Variants in QTMAN observed in about 807,000 individuals in gnomAD.
QTMAN encodes queuosine-tRNA mannosyltransferase.
the QTMAN span, among the ~76,000 whole-genome samples, chr2:144,091,161 G>T: frequency 2.6e-5 from 4 of 151,392 alleles, no homozygotes. Flanking sequence ...ATATCTATAT[G>T]TTAAAAAAAA....
At chr2:144,129,394 A>G in the QTMAN span, among the ~76,000 whole-genome samples, 1 of 152,016 alleles carries the variant, frequency 6.6e-6, no homozygotes, top group South Asian at 2.1e-4. Flanking sequence ...TGGACACATG[A>G]AAATATACAG....
the QTMAN span, among the ~76,000 whole-genome samples, chr2:144,328,041 G>A: frequency 6.6e-5 from 10 of 151,914 alleles, no homozygotes; most frequent in African/African-American, 9.7e-5. Flanking sequence ...AACCTCCACC[G>A]CCCAGGTTCA....
At chr2:144,037,867 T>C in the QTMAN span, among the ~76,000 whole-genome samples, 1 of 152,226 alleles carries the variant, frequency 6.6e-6, no homozygotes, top group African/African-American at 2.4e-5. Context: ...AAAACTCTTT[T>C]TGCAATATAG....
chr2:144,133,151 AAT>A, the QTMAN span, among the ~76,000 whole-genome samples: 2 of 51,394 alleles, frequency 3.9e-5, no homozygotes, highest in South Asian at 1.1e-3. Context: ...ATATATATAT[AAT>A]ATAATATAAT....
the QTMAN span, among the ~76,000 whole-genome samples, chr2:143,958,005 T>A: frequency 6.6e-6 from 1 of 152,128 alleles, no homozygotes; most frequent in African/African-American, 2.4e-5. Flanking sequence ...TGAAAATAAA[T>A]GCACCAGTAA....
At chr2:144,033,486 A>G in the QTMAN span, among the ~76,000 whole-genome samples, 2 of 152,200 alleles carry the variant, frequency 1.3e-5, no homozygotes, top group Non-Finnish European at 2.9e-5. Flanking sequence ...TGCCCTCTCC[A>G]GGTGCACCCC....
chr2:143,955,027 A>G, the QTMAN span, among the ~76,000 whole-genome samples: 1 of 152,178 alleles, frequency 6.6e-6, no homozygotes, highest in Non-Finnish European at 1.5e-5. Flanking sequence ...GCTTGGCTGA[A>G]TTACTTTTCT....
the QTMAN span, among the ~76,000 whole-genome samples, chr2:143,965,329 C>T: frequency 6.6e-6 from 1 of 152,260 alleles, no homozygotes; most frequent in East Asian, 1.9e-4. Context: ...GGAGGCAAGT[C>T]CATGAGTCCT....
chr2:144,332,052 C>G, the QTMAN span, among the ~76,000 whole-genome samples: 1 of 152,192 alleles, frequency 6.6e-6, no homozygotes, highest in Non-Finnish European at 1.5e-5. Flanking sequence ...TGCCCCCACC[C>G]GTCCTCTCAG....
the QTMAN span, among the ~76,000 whole-genome samples, chr2:144,302,672 C>G: frequency 6.6e-6 from 1 of 152,194 alleles, no homozygotes; most frequent in Non-Finnish European, 1.5e-5. Context: ...AGTCAGAACA[C>G]CGGCCTATGG....
chr2:144,062,759 A>C, the QTMAN span, among the ~76,000 whole-genome samples: 1 of 152,190 alleles, frequency 6.6e-6, no homozygotes, highest in African/African-American at 2.4e-5. Context: ...TTTCGTTTTG[A>C]GATAGGTAGA....
chr2:144,210,233 A>G, the QTMAN span, among the ~76,000 whole-genome samples: 1 of 152,170 alleles, frequency 6.6e-6, no homozygotes, highest in Non-Finnish European at 1.5e-5. Context: ...CTAATTTTGT[A>G]GGACTTAGTC....
the QTMAN span, among the ~76,000 whole-genome samples, chr2:144,009,709 AC>A: frequency 6.6e-6 from 1 of 152,048 alleles, no homozygotes; most frequent in Non-Finnish European, 1.5e-5. Flanking sequence ...ATGGAAAGAA[AC>A]CTGGGCATTT....
At chr2:143,982,429 A>G in the QTMAN span, among the ~76,000 whole-genome samples, 1 of 151,318 alleles carries the variant, frequency 6.6e-6, no homozygotes, top group African/African-American at 2.4e-5. Flanking sequence ...ACGGGGTTTC[A>G]CCATGTTGGC....
the QTMAN span, among the ~76,000 whole-genome samples, chr2:144,168,242 T>C: frequency 6.6e-6 from 1 of 152,192 alleles, no homozygotes; most frequent in African/African-American, 2.4e-5. Flanking sequence ...ATGGAGTTAC[T>C]TTACGAGAAA....
the QTMAN span, among the ~76,000 whole-genome samples, chr2:144,207,113 C>T: frequency 6.6e-6 from 1 of 152,072 alleles, no homozygotes; most frequent in Non-Finnish European, 1.5e-5. Context: ...ATTCCTCATA[C>T]TATTAGTGAA....
At chr2:144,092,452 G>T in the QTMAN span, among the ~76,000 whole-genome samples, 4 of 152,078 alleles carry the variant, frequency 2.6e-5, no homozygotes, top group Non-Finnish European at 1.5e-5. Context: ...TGGGATTACA[G>T]GCATGAGCCA....
the QTMAN span, among the ~76,000 whole-genome samples, chr2:143,996,617 A>G: frequency 2.0e-5 from 3 of 152,126 alleles, no homozygotes; most frequent in African/African-American, 7.2e-5. Flanking sequence ...CTGGAAACAA[A>G]TGCTTCTCTA....
chr2:143,981,287 AT>A, the QTMAN span, among the ~76,000 whole-genome samples: 2 of 152,202 alleles, frequency 1.3e-5, no homozygotes, highest in Non-Finnish European at 2.9e-5. Flanking sequence ...AGACATTTAT[AT>A]TTTTAAAACT....
Sources: gnomAD v4.1 joint callset for allele counts (sites outside exome capture counted in the v4.1 genomes callset) on GRCh38, gnomAD v4.1.1 for gene constraint, MANE v1.5 for transcripts, NCBI Gene and HGNC (gene_info 2026-07-23, HGNC 2026-07-21) for gene names.